Variants in GRIN2A observed in about 807,000 individuals in gnomAD.
The protein encoded by GRIN2A is glutamate receptor ionotropic, NMDA 2A.
GRIN2A carries 22 observed loss-of-function variants against 113.4 expected under a neutral mutation model. The observed-to-expected ratio is 0.19, with a 90% CI of 0.14 to 0.28. The LOEUF (loss-of-function observed/expected upper bound fraction) is 0.28. GRIN2A is among the 10% of genes least tolerant of loss of function. GRIN2A has a pLI of 1.00. For missense variants in GRIN2A, 1,502 were observed against 1,887.0 expected (o/e 0.80, Z 3.78); for synonymous variants, 827 against 738.4 (o/e 1.12, Z -1.94).
intron 2 of GRIN2A, among the ~76,000 whole-genome samples, chr16:10,148,299 C>A (rs2049488667): frequency 6.6e-6 from 1 of 152,222 alleles, no homozygotes. Context: ...CTATGGCCTG[C>A]AAAGCCTAAA....
chr16:9,993,049 C>T (rs1347800154), intron 2 of GRIN2A, among the ~76,000 whole-genome samples: 1 of 142,136 alleles, frequency 7.0e-6, no homozygotes, highest in Non-Finnish European at 1.5e-5. Flanking sequence ...AACCTCATCT[C>T]TACCAAAAAT....
intron 2 of GRIN2A, among the ~76,000 whole-genome samples, chr16:10,166,361 AAC>A: frequency 6.6e-6 from 1 of 152,334 alleles, no homozygotes; most frequent in Middle Eastern, 3.4e-3. Context: ...AGCCTTGAGG[AAC>A]AGGTTAAGAG....
chr16:9,817,819 C>T (rs1464724350), intron 10 of GRIN2A, among the ~76,000 whole-genome samples: 1 of 152,202 alleles, frequency 6.6e-6, no homozygotes, highest in Non-Finnish European at 1.5e-5. Flanking sequence ...GCAGATGTTA[C>T]TGAAACGTGT....
At chr16:9,841,352 T>C (rs2042675528) in intron 5 of GRIN2A, among the ~76,000 whole-genome samples, 1 of 152,238 alleles carries the variant, frequency 6.6e-6, no homozygotes, top group Non-Finnish European at 1.5e-5. Flanking sequence ...CCTAAAGGCT[T>C]CATACTAATT....
chr16:9,881,117 C>T (rs1366217975), intron 4 of GRIN2A, among the ~76,000 whole-genome samples: 2 of 151,988 alleles, frequency 1.3e-5, no homozygotes, highest in African/African-American at 4.8e-5. Context: ...AAATTTTTAA[C>T]AAAAAAATCA....
chr16:9,809,031 A>G (rs2042035342), intron 10 of GRIN2A, among the ~76,000 whole-genome samples: 1 of 152,182 alleles, frequency 6.6e-6, no homozygotes, highest in South Asian at 2.1e-4. Flanking sequence ...TCTCCAAAAC[A>G]TATCGTTCAC....
intron 2 of GRIN2A, among the ~76,000 whole-genome samples, chr16:10,072,859 T>C (rs1466855023): frequency 2.6e-5 from 4 of 151,720 alleles, no homozygotes; most frequent in Non-Finnish European, 5.9e-5. Context: ...TCAAAGCCTA[T>C]GGCTGGTTTT....
At chr16:10,087,743 G>T (rs1335107760) in intron 2 of GRIN2A, among the ~76,000 whole-genome samples, 1 of 152,112 alleles carries the variant, frequency 6.6e-6, no homozygotes, top group African/African-American at 2.4e-5. Context: ...AGGCTGGAGT[G>T]CAGTAGCATG....
At position 9,764,315 on chromosome 16, in the gene GRIN2A, T is replaced by G; in HGVS notation, c.3229A>C (p.Ser1077Arg). Residue 1077 changes from serine (S) to arginine (R), a missense_variant, in exon 13 of 13, where the codon AGT becomes CGT. Coordinates refer to ENST00000330684, the MANE Select transcript of GRIN2A (RefSeq NM_001134407.3). ...TTGTCCTTGGTTTTGTGGTTCTTAC[T>G]GTTGTCAGGTTCCCTGTGGCACGTG... ...RATCHREPDNSKNHKTKDNFK... is the reference protein window; with the variant it reads ...RATCHREPDNRKNHKTKDNFK... The G allele has an allele frequency of 6.2e-7, 1 of 1,614,152 alleles. No homozygotes were observed. The highest frequency in any genetic ancestry group is 8.5e-7 in the Non-Finnish European group (1 of 1,180,000).
At chr16:10,076,988 A>G (rs374899516) in intron 2 of GRIN2A, among the ~76,000 whole-genome samples, 1 of 152,316 alleles carries the variant, frequency 6.6e-6, no homozygotes, top group African/African-American at 2.4e-5. Flanking sequence ...TGGGGCCAAT[A>G]TCATCACCAG....
intron 3 of GRIN2A, among the ~76,000 whole-genome samples, chr16:9,911,864 C>T (rs1213998490): frequency 1.3e-5 from 2 of 152,154 alleles, no homozygotes; most frequent in Admixed American, 6.5e-5. Context: ...TGATGATTCC[C>T]ACCCTTAGTC....
chr16:9,883,516 G>A, intron 4 of GRIN2A, among the ~76,000 whole-genome samples: 1 of 152,238 alleles, frequency 6.6e-6, no homozygotes, highest in East Asian at 1.9e-4. Flanking sequence ...TCAATGGAAA[G>A]GGTGTCCTTA....
intron 12 of GRIN2A, among the ~76,000 whole-genome samples, chr16:9,766,814 A>G (rs1272547709): frequency 6.6e-6 from 1 of 152,214 alleles, no homozygotes; most frequent in African/African-American, 2.4e-5. Flanking sequence ...CTTCTCCCCT[A>G]GGGATGGAGA....
intron 3 of GRIN2A, among the ~76,000 whole-genome samples, chr16:9,891,940 T>C (rs970503498): frequency 2.4e-4 from 37 of 152,088 alleles, no homozygotes; most frequent in Admixed American, 9.2e-4. Context: ...CTTAAAACCG[T>C]GGGAAGGTGC....
intron 2 of GRIN2A, among the ~76,000 whole-genome samples, chr16:10,084,642 T>C (rs2048050067): frequency 6.6e-6 from 1 of 152,224 alleles, no homozygotes; most frequent in Admixed American, 6.5e-5. Context: ...TGTCATCTCC[T>C]CTGGGGAAGT....
At chr16:9,960,495 A>T (rs2045416207) in intron 2 of GRIN2A, among the ~76,000 whole-genome samples, 1 of 152,246 alleles carries the variant, frequency 6.6e-6, no homozygotes, top group Admixed American at 6.5e-5. Context: ...TATAAATGAA[A>T]AATTAACTGG....
chr16:10,104,770 G>C (rs1900721), intron 2 of GRIN2A, among the ~76,000 whole-genome samples: 61,572 of 152,004 alleles, frequency 0.41, 12,625 homozygotes, highest in East Asian at 0.46. Flanking sequence ...TGGCTCCCAT[G>C]AACATCGTAG....
chr16:10,127,151 G>C (rs1251379195), intron 2 of GRIN2A, among the ~76,000 whole-genome samples: 6 of 151,944 alleles, frequency 3.9e-5, no homozygotes, highest in Non-Finnish European at 7.4e-5. Flanking sequence ...AGAAACGCTT[G>C]AACCTGGGAG....
chr16:10,065,873 T>C (rs1435948876), intron 2 of GRIN2A, among the ~76,000 whole-genome samples: 1 of 152,150 alleles, frequency 6.6e-6, no homozygotes. Flanking sequence ...CATGGTTTGG[T>C]CATTCCTCCC....
Sources: gnomAD v4.1 joint callset for allele counts (sites outside exome capture counted in the v4.1 genomes callset) on GRCh38, gnomAD v4.1.1 for gene constraint, MANE v1.5 for transcripts, NCBI Gene and HGNC (gene_info 2026-07-23, HGNC 2026-07-21) for gene names.